ZDHHC14: variants seen among roughly 807,000 people sequenced by gnomAD.
The protein encoded by ZDHHC14 is zDHHC palmitoyltransferase 14, also known as palmitoyltransferase ZDHHC14.
ZDHHC14 carries 16 observed loss-of-function variants against 47.7 expected under a neutral mutation model. That is an observed-to-expected ratio of 0.34 (90% CI 0.23 to 0.51). The LOEUF is 0.51. Among genes scored for constraint, ZDHHC14 ranks in the 20% least tolerant of loss-of-function variants. ZDHHC14 has a pLI of 0.97. For missense variants in ZDHHC14, 515 were observed against 662.5 expected (o/e 0.78, Z 2.44); for synonymous variants, 293 against 278.9 (o/e 1.05, Z -0.50).
rs9347261 is a variant in ZDHHC14 at position 157,446,800 on chromosome 6, T to C, written c.245+64534T>C. On this transcript the variant is annotated intron_variant, in intron 1 of 8. Transcript: ENST00000359775. Reference sequence around the variant, plus strand: ...AGTTATATGCTGATGTATGCATGTATGTACAGTATATACACACATGGATAT... The same window carrying C: ...AGTTATATGCTGATGTATGCATGTACGTACAGTATATACACACATGGATAT... 7.2e-5 allele frequency among the ~76,000 whole-genome samples: 11 copies of C among 152,348 alleles called. No individual in the cohort carries two copies. In the East Asian group the frequency reaches 2.1e-3, roughly 29 times the overall value.
At chr6:157,430,423 T>A (rs1024433847) in intron 1 of ZDHHC14, among the ~76,000 whole-genome samples, 1 of 152,144 alleles carries the variant, frequency 6.6e-6, no homozygotes, top group Non-Finnish European at 1.5e-5. Flanking sequence ...GGCTGCATTC[T>A]TCCTGGAGGC....
intron 3 of ZDHHC14, among the ~76,000 whole-genome samples, chr6:157,610,078 C>T (rs1279395929): frequency 6.6e-6 from 1 of 152,212 alleles, no homozygotes; most frequent in Non-Finnish European, 1.5e-5. Context: ...GAGGCCCACG[C>T]AGTGACCCCC....
intron 8 of ZDHHC14, 102 bp from the exon 9 acceptor site, chr6:157,672,622 G>GCTCCC: frequency 9.2e-6 from 4 of 436,552 alleles, no homozygotes; most frequent in Non-Finnish European, 8.5e-6. Flanking sequence ...CTCTCTTCTC[G>GCTCCC]CACCCCACCC....
chr6:157,413,689 T>C (rs1304122719), intron 1 of ZDHHC14, among the ~76,000 whole-genome samples: 2 of 151,962 alleles, frequency 1.3e-5, no homozygotes, highest in African/African-American at 2.4e-5. Flanking sequence ...TTTTCTAAAA[T>C]GTCTTTTTTC....
chr6:157,520,762 CATGA>C (rs1347159565), intron 1 of ZDHHC14, among the ~76,000 whole-genome samples: 9 of 152,150 alleles, frequency 5.9e-5, no homozygotes, highest in Admixed American at 5.9e-4. Flanking sequence ...TGTTCTGAGA[CATGA>C]AACAAAAGTG....
intron 1 of ZDHHC14, among the ~76,000 whole-genome samples, chr6:157,445,908 A>T (rs1334733856): frequency 6.6e-6 from 1 of 152,204 alleles, no homozygotes; most frequent in East Asian, 1.9e-4. Context: ...TCCAGGGCAA[A>T]GTCATCGCTG....
intron 3 of ZDHHC14, among the ~76,000 whole-genome samples, chr6:157,599,464 G>A (rs985858077): frequency 1.3e-5 from 2 of 152,168 alleles, no homozygotes; most frequent in Non-Finnish European, 2.9e-5. Flanking sequence ...TTGTTTCCAC[G>A]CCCAAGCAGA....
rs372633801 is a variant in ZDHHC14 at position 157,424,418 on chromosome 6, T to TAA, written c.245+42153_245+42154insAA. ...TCAAACTCAAACACAATCACTGCCC[T>TAA]ATTTTTTGGTGGTGCGATTTTGAAT... On this transcript the variant is annotated intron_variant, in intron 1 of 8. Transcript: ENST00000359775. 4.4e-3 allele frequency among the ~76,000 whole-genome samples: 674 copies of TAA among 152,320 alleles called. 6 individuals are homozygous for TAA. The highest frequency in any genetic ancestry group is 0.015 in the African/African-American group (644 of 41,552).
chr6:157,624,683 A>G (rs1452802428), intron 3 of ZDHHC14, among the ~76,000 whole-genome samples: 1 of 152,000 alleles, frequency 6.6e-6, no homozygotes, highest in African/African-American at 2.4e-5. Context: ...GCGATACACT[A>G]ACTGTGTGAC....
At chr6:157,458,242 C>T (rs1244692270) in intron 1 of ZDHHC14, among the ~76,000 whole-genome samples, 1 of 152,086 alleles carries the variant, frequency 6.6e-6, no homozygotes, top group Non-Finnish European at 1.5e-5. Context: ...TTCATAGTTC[C>T]CATGGTGATT....
chr6:157,539,047 C>T (rs1327066912), intron 1 of ZDHHC14, among the ~76,000 whole-genome samples: 2 of 151,948 alleles, frequency 1.3e-5, no homozygotes, highest in Admixed American at 6.6e-5. Flanking sequence ...AGCAGAGACA[C>T]GTGTGATTGG....
At chr6:157,472,285 G>A (rs1360655408) in intron 1 of ZDHHC14, among the ~76,000 whole-genome samples, 1 of 152,108 alleles carries the variant, frequency 6.6e-6, no homozygotes, top group Non-Finnish European at 1.5e-5. Context: ...GAGACCTGGG[G>A]CCTTGAAACC....
chr6:157,499,370 C>T (rs919070168), intron 1 of ZDHHC14, among the ~76,000 whole-genome samples: 4 of 152,064 alleles, frequency 2.6e-5, no homozygotes, highest in Non-Finnish European at 5.9e-5. Context: ...CTTGTGTCCT[C>T]GTGTGGCTGA....
rs148223827 is a variant in ZDHHC14, at chr6:157,552,141, C to T, written c.406+9396C>T. On this transcript the variant is annotated intron_variant, in intron 2 of 8. Coordinates refer to ENST00000359775, the MANE Select transcript of ZDHHC14 (RefSeq NM_024630.3). ...CACCCATGTAAATTCAACAAGCAAA[C>T]TGTAGGTACTGCAAAATAAGATATT... is the stretch of plus-strand genomic sequence containing the variant. 3.8e-3 allele frequency among the ~76,000 whole-genome samples: 582 copies of T among 152,238 alleles called. 1 individual carries two copies. The highest frequency in any genetic ancestry group is 0.013 in the African/African-American group (541 of 41,526).
chr6:157,634,990 G>C (rs982594340), intron 5 of ZDHHC14, among the ~76,000 whole-genome samples: 28 of 151,606 alleles, frequency 1.8e-4, no homozygotes, highest in African/African-American at 6.1e-4. Flanking sequence ...TTGCTACCTG[G>C]TCTTTTTTTT....
chr6:157,522,642 AATAAT>A (rs1427014082), intron 1 of ZDHHC14, among the ~76,000 whole-genome samples: 1 of 151,198 alleles, frequency 6.6e-6, no homozygotes, highest in African/African-American at 2.4e-5. Flanking sequence ...TTATGATATT[AATAAT>A]ATAAGAATTG....
rs369704771 is a variant in ZDHHC14, at chr6:157,621,950, C to G, written c.566-6399C>G. Reference sequence around the variant, plus strand: ...CTCAGGATGGGGCCAGTGTCCTAACCTTTCTGACTGATTTCCTCCGCTGTC... The same window carrying G: ...CTCAGGATGGGGCCAGTGTCCTAACGTTTCTGACTGATTTCCTCCGCTGTC... On this transcript the variant is annotated intron_variant, in intron 3 of 8. Transcript: ENST00000359775. Among the ~76,000 whole-genome samples the G allele has an allele frequency of 1.1e-4, 16 of 152,294 alleles. No individual in the cohort carries two copies. In the South Asian group the frequency reaches 3.3e-3, roughly 32 times the overall value.
At chr6:157,646,173 T>C (rs1777545002) in intron 6 of ZDHHC14, 1 of 203,150 alleles carries the variant, frequency 4.9e-6, no homozygotes, top group African/African-American at 2.3e-5. Flanking sequence ...GTAGAGACCA[T>C]GGCGGGCCAA....
intron 1 of ZDHHC14, among the ~76,000 whole-genome samples, chr6:157,533,228 AACCAAGCAG>A (rs1240221271): frequency 6.6e-6 from 1 of 152,176 alleles, no homozygotes; most frequent in Non-Finnish European, 1.5e-5. Flanking sequence ...TACATCAGTG[AACCAAGCAG>A]ATACACGTCC....
Sources: allele counts gnomAD v4.1 joint callset (sites outside exome capture counted in the v4.1 genomes callset), GRCh38; gene constraint gnomAD v4.1.1; transcripts MANE v1.5; gene names NCBI Gene and HGNC (gene_info 2026-07-23, HGNC 2026-07-21).